ADAM18: variants seen among roughly 807,000 people sequenced by gnomAD.
ADAM18 encodes disintegrin and metalloproteinase domain-containing protein 18.
Under a neutral mutation model 94.4 loss-of-function variants are expected in ADAM18, and 117 were observed. That is an observed-to-expected ratio of 1.24 (90% CI 1.07 to 1.45). The LOEUF (loss-of-function observed/expected upper bound fraction) is 1.45, where lower values mean the gene tolerates loss of function less well. Ranked by LOEUF, ADAM18 falls within the 40% of genes most tolerant of loss-of-function variation. The pLI, the probability that ADAM18 is intolerant of heterozygous loss-of-function variation, is 0.00. For synonymous variants in ADAM18, 327 were observed against 291.6 expected, an observed-to-expected ratio of 1.12 and a Z score of -1.24; for missense variants, 936 against 880.0, an observed-to-expected ratio of 1.06 and a Z score of -0.81.
chr8:39,648,554 C>G (rs1175495352), intron 12 of ADAM18, 27 bp downstream of exon 12: 2 of 1,567,460 alleles, frequency 1.3e-6, no homozygotes, highest in Admixed American at 3.7e-5. Context: ...GAAACTCGAG[C>G]ACAATTTTTA....
rs534547077 is a variant in ADAM18, at chr8:39,624,355, C to G, written c.523-5019C>G. ...GTGAGAGAGATAGGGATGCAGTTTCCTTCTTCCACATGTGGCTATCCAGTA... is the reference window on the plus strand; with the variant it reads ...GTGAGAGAGATAGGGATGCAGTTTCGTTCTTCCACATGTGGCTATCCAGTA... On this transcript the variant is annotated intron_variant, in intron 6 of 19. Transcript: ENST00000265707. Among the ~76,000 whole-genome samples, 56 of 152,188 alleles carry G rather than the reference C, an allele frequency of 3.7e-4. No individual in the cohort carries two copies. The Middle Eastern group carries it at 0.01, about 28-fold the overall frequency.
At chr8:39,590,587 A>AAAAAT (rs1424020065) in intron 2 of ADAM18, among the ~76,000 whole-genome samples, 1 of 152,216 alleles carries the variant, frequency 6.6e-6, no homozygotes, top group Non-Finnish European at 1.5e-5. Context: ...AAGTGTAATA[A>AAAAAT]AAAATAAAAT....
chr8:39,647,736 CTT>C (rs937205229), intron 11 of ADAM18, among the ~76,000 whole-genome samples: 1 of 152,128 alleles, frequency 6.6e-6, no homozygotes, highest in Non-Finnish European at 1.5e-5. Flanking sequence ...ATGGCGATGA[CTT>C]TTACCAAGCA....
At chr8:39,704,960 A>G (rs1822198027) in intron 17 of ADAM18, among the ~76,000 whole-genome samples, 1 of 152,176 alleles carries the variant, frequency 6.6e-6, no homozygotes, top group South Asian at 2.1e-4. Context: ...TTGTCAAAAT[A>G]TAGAGGAAAA....
At chr8:39,674,257 T>G (rs1203581424) in intron 14 of ADAM18, among the ~76,000 whole-genome samples, 1 of 152,150 alleles carries the variant, frequency 6.6e-6, no homozygotes, top group African/African-American at 2.4e-5. Context: ...TGTGGGAGTC[T>G]AAGTCTCTTT....
At chr8:39,673,471 C>A (rs147556006) in intron 14 of ADAM18, among the ~76,000 whole-genome samples, 14 of 151,808 alleles carry the variant, frequency 9.2e-5, no homozygotes, top group African/African-American at 3.4e-4. Context: ...TCTCCCCACA[C>A]CCCACCCCCC....
intron 6 of ADAM18, among the ~76,000 whole-genome samples, chr8:39,612,745 T>G (rs1385788202): frequency 1.2e-4 from 19 of 152,208 alleles, no homozygotes; most frequent in Admixed American, 1.2e-3. Flanking sequence ...TACATTCATT[T>G]GCAGCACAAC....
intron 17 of ADAM18, among the ~76,000 whole-genome samples, chr8:39,699,479 C>G (rs969074072): frequency 6.6e-6 from 1 of 151,560 alleles, no homozygotes; most frequent in Admixed American, 6.6e-5. Context: ...AGGATAAACC[C>G]TCCTTAGTTT....
intron 12 of ADAM18, among the ~76,000 whole-genome samples, chr8:39,655,248 A>T (rs998692877): frequency 2.0e-5 from 3 of 152,110 alleles, no homozygotes; most frequent in Non-Finnish European, 4.4e-5. Context: ...ATGCATATAG[A>T]TATTTCATTT....
At chr8:39,651,449 A>G (rs925348057) in intron 12 of ADAM18, among the ~76,000 whole-genome samples, 5 of 152,348 alleles carry the variant, frequency 3.3e-5, no homozygotes, top group Middle Eastern at 3.4e-3. Flanking sequence ...TTTCCTAGGC[A>G]GAGGTCCCTG....
At chr8:39,647,199 G>A (rs1820406390) in intron 11 of ADAM18, among the ~76,000 whole-genome samples, 1 of 145,582 alleles carries the variant, frequency 6.9e-6, no homozygotes, top group African/African-American at 2.5e-5. Context: ...GAGGAATGCG[G>A]TAGGAGAGCA....
At chr8:39,676,239 T>C (rs1173359474) in intron 14 of ADAM18, among the ~76,000 whole-genome samples, 1 of 152,234 alleles carries the variant, frequency 6.6e-6, no homozygotes, top group Non-Finnish European at 1.5e-5. Context: ...TGTTCAGCTA[T>C]GCTCTGCCCA....
At chr8:39,707,835 G>A (rs1387142251) in intron 18 of ADAM18, among the ~76,000 whole-genome samples, 1 of 152,040 alleles carries the variant, frequency 6.6e-6, no homozygotes, top group South Asian at 2.1e-4. Context: ...ATGAAGTCAA[G>A]AGTATTCACC....
chr8:39,685,921 C>T (rs948181105), intron 16 of ADAM18, among the ~76,000 whole-genome samples: 3 of 151,990 alleles, frequency 2.0e-5, no homozygotes, highest in African/African-American at 7.3e-5. Flanking sequence ...TAACAAAGAT[C>T]GTCTTTCCCT....
chr8:39,696,120 T>C (rs1484140309), intron 17 of ADAM18, among the ~76,000 whole-genome samples: 4 of 151,530 alleles, frequency 2.6e-5, no homozygotes, highest in African/African-American at 7.2e-5. Flanking sequence ...ATCACTGTAG[T>C]TTTGATTTCC....
chr8:39,705,912 T>A (rs1416983560), intron 17 of ADAM18, among the ~76,000 whole-genome samples: 2 of 152,112 alleles, frequency 1.3e-5, no homozygotes, highest in Admixed American at 1.3e-4. Context: ...GTTATGGATA[T>A]TATTTGGTAA....
intron 13 of ADAM18, among the ~76,000 whole-genome samples, chr8:39,667,087 C>T (rs917234754): frequency 6.6e-6 from 1 of 151,962 alleles, no homozygotes; most frequent in Non-Finnish European, 1.5e-5. Flanking sequence ...TAATAATAAA[C>T]ATATAAAAAT....
At chr8:39,701,911 CATG>C (rs1822090279) in intron 17 of ADAM18, among the ~76,000 whole-genome samples, 3 of 152,134 alleles carry the variant, frequency 2.0e-5, no homozygotes, top group Admixed American at 2.0e-4. Flanking sequence ...AGGTTGATTC[CATG>C]TATTTGCTAT....
Position 39,638,453 on chromosome 8 carries a change from A to C in ADAM18, c.828-12A>C, listed in dbSNP as rs780607901. On this transcript the variant is annotated splice_polypyrimidine_tract_variant and intron_variant, in intron 9 of 19. Transcript: ENST00000265707. The stretch of plus-strand genomic sequence containing the variant: ...TGCATAACTACGTTAATAAAAAATT[A>C]TAATAATGTAGTTACAGGAAACATC... 4.6e-6 allele frequency: 7 copies of C among 1,513,308 alleles called. No homozygotes were observed. The highest frequency in any genetic ancestry group is 6.3e-6 in the Non-Finnish European group (7 of 1,115,384). The allele number at this position is 1,513,308 out of a possible 1,614,324, so 93.7% of individuals were successfully genotyped here.
Sources: allele counts gnomAD v4.1 joint callset (sites outside exome capture counted in the v4.1 genomes callset), GRCh38; gene constraint gnomAD v4.1.1; transcripts MANE v1.5; gene names NCBI Gene and HGNC (gene_info 2026-07-23, HGNC 2026-07-21).